The following RGS6 variants were observed in gnomAD, a reference collection of about 807,000 sequenced individuals.
RGS6 encodes the protein regulator of G-protein signaling 6.
In RGS6, 30 loss-of-function variants were observed where a neutral mutation model predicts 78.5. The ratio of observed to expected loss-of-function variants is 0.38; its 90% CI spans 0.29 to 0.52. The LOEUF is 0.52. Among genes scored for constraint, RGS6 ranks in the 20% least tolerant of loss-of-function variants. RGS6 has a pLI of 0.85. For synonymous variants in RGS6, 206 were observed against 206.0 expected (o/e 1.00, Z 0.00); for missense variants, 495 against 609.7 (o/e 0.81, Z 1.98).
chr14:71,881,010 C>A, the RGS6 span, among the ~76,000 whole-genome samples: 3 of 152,344 alleles, frequency 2.0e-5, no homozygotes, highest in South Asian at 4.1e-4. Context: ...TGTGGGAGCC[C>A]ACCTCTTACA....
the RGS6 span, among the ~76,000 whole-genome samples, chr14:71,867,676 G>C: frequency 6.6e-6 from 1 of 152,174 alleles, no homozygotes; most frequent in African/African-American, 2.4e-5. Context: ...CCCTTGGAGA[G>C]ATGATTAAGA....
chr14:72,250,386 A>C (rs1241060951), intron 2 of RGS6, among the ~76,000 whole-genome samples: 1 of 131,976 alleles, frequency 7.6e-6, no homozygotes, highest in African/African-American at 2.8e-5. Context: ...TGGCTTTTAC[A>C]TGTAAATACA....
the RGS6 span, among the ~76,000 whole-genome samples, chr14:71,911,391 G>T: frequency 6.6e-6 from 1 of 152,164 alleles, no homozygotes; most frequent in African/African-American, 2.4e-5. Flanking sequence ...TCAAAATTGG[G>T]ATTCCCACTG....
At chr14:72,044,452 A>G (rs1049334904) in intron 2 of RGS6, among the ~76,000 whole-genome samples, 1 of 152,080 alleles carries the variant, frequency 6.6e-6, no homozygotes, top group Admixed American at 6.6e-5. Context: ...GGAGAGGAGA[A>G]ATGAATTCAT....
intron 1 of RGS6, among the ~76,000 whole-genome samples, chr14:71,933,979 A>G (rs1198705187): frequency 6.6e-6 from 1 of 152,204 alleles, no homozygotes; most frequent in Non-Finnish European, 1.5e-5. Flanking sequence ...GGTTTAGTTA[A>G]ATGTGTTGAC....
At chr14:72,629,602 A>C in the RGS6 span, 18 of 1,529,282 alleles carry the variant, frequency 1.2e-5, no homozygotes, top group Non-Finnish European at 1.5e-5. Context: ...TCTCCCTCCC[A>C]CAGGGAAAGC....
intron 2 of RGS6, among the ~76,000 whole-genome samples, chr14:72,036,895 A>G (rs553277485): frequency 2.7e-4 from 41 of 152,258 alleles, no homozygotes; most frequent in Admixed American, 1.6e-3. Context: ...TTATAATTTT[A>G]TATTTTACAT....
At chr14:71,982,562 G>T (rs112186017) in intron 2 of RGS6, among the ~76,000 whole-genome samples, 4,621 of 152,210 alleles carry the variant, frequency 0.03, 221 homozygotes, top group African/African-American at 0.1. Flanking sequence ...AGCCCTTCTG[G>T]TTCCAACCAA....
At chr14:72,182,966 C>G (rs1481659806) in intron 2 of RGS6, among the ~76,000 whole-genome samples, 1 of 152,172 alleles carries the variant, frequency 6.6e-6, no homozygotes, top group African/African-American at 2.4e-5. Flanking sequence ...TGAGTTACTT[C>G]CATGACCCAC....
At chr14:72,432,961 A>G (rs1360330272) in intron 3 of RGS6, among the ~76,000 whole-genome samples, 2 of 152,222 alleles carry the variant, frequency 1.3e-5, no homozygotes, top group Non-Finnish European at 2.9e-5. Context: ...AAGGATGATG[A>G]AGAATCAGTC....
chr14:72,268,525 A>C (rs1273663851), intron 2 of RGS6, among the ~76,000 whole-genome samples: 1 of 152,214 alleles, frequency 6.6e-6, no homozygotes, highest in Non-Finnish European at 1.5e-5. Flanking sequence ...TCTCCTTTAC[A>C]AATCAATGTT....
the RGS6 span, among the ~76,000 whole-genome samples, chr14:72,599,716 G>T: frequency 6.6e-6 from 1 of 151,212 alleles, no homozygotes; most frequent in African/African-American, 2.4e-5. Context: ...GAGCCACCGC[G>T]CCTGGCCAGA....
chr14:72,063,125 G>C (rs1376341314), intron 2 of RGS6, among the ~76,000 whole-genome samples: 1 of 152,148 alleles, frequency 6.6e-6, no homozygotes, highest in Non-Finnish European at 1.5e-5. Flanking sequence ...GCCTGGCCTG[G>C]ATGAAATTCT....
At chr14:72,584,769 A>T in the RGS6 span, among the ~76,000 whole-genome samples, 4 of 152,250 alleles carry the variant, frequency 2.6e-5, no homozygotes, top group African/African-American at 9.6e-5. Flanking sequence ...GCTTAGAATT[A>T]TCAGAAGGAT....
chr14:72,031,233 A>G (rs532793035), intron 2 of RGS6, among the ~76,000 whole-genome samples: 36 of 152,232 alleles, frequency 2.4e-4, no homozygotes, highest in African/African-American at 7.9e-4. Context: ...AAGGAATGGT[A>G]TTTTACCCAT....
At chr14:72,482,627 C>T (rs2096403988) in intron 12 of RGS6, among the ~76,000 whole-genome samples, 1 of 152,214 alleles carries the variant, frequency 6.6e-6, no homozygotes, top group African/African-American at 2.4e-5. Context: ...TTAGGATGGC[C>T]TCAGCTGGGA....
intron 6 of RGS6, among the ~76,000 whole-genome samples, chr14:72,462,637 A>C (rs1224177981): frequency 6.6e-6 from 1 of 152,230 alleles, no homozygotes; most frequent in South Asian, 2.1e-4. Flanking sequence ...TACTTGGCCC[A>C]TAGGAGACAC....
intron 3 of RGS6, among the ~76,000 whole-genome samples, chr14:72,376,835 A>G (rs2084860132): frequency 6.6e-6 from 1 of 152,216 alleles, no homozygotes; most frequent in Non-Finnish European, 1.5e-5. Context: ...CGCTTAAGAG[A>G]GTCTTACATC....
chr14:72,343,417 T>C (rs2077399219), intron 2 of RGS6, among the ~76,000 whole-genome samples: 1 of 152,226 alleles, frequency 6.6e-6, no homozygotes, highest in Non-Finnish European at 1.5e-5. Context: ...GGTCTTCTGC[T>C]TTCAAGGACC....
Sources: gnomAD v4.1 joint callset for allele counts (sites outside exome capture counted in the v4.1 genomes callset) on GRCh38, gnomAD v4.1.1 for gene constraint, MANE v1.5 for transcripts, NCBI Gene and HGNC (gene_info 2026-07-23, HGNC 2026-07-21) for gene names.